The following CYTH1 variants were observed in gnomAD, a reference collection of about 807,000 sequenced individuals.
CYTH1 encodes cytohesin 1, also known as cytohesin-1.
Under a neutral mutation model 61.8 loss-of-function variants are expected in CYTH1, and 18 were observed. That is an observed-to-expected ratio of 0.29 (90% confidence interval 0.20 to 0.43). CYTH1 has a LOEUF of 0.43. CYTH1 is among the 20% of genes least tolerant of loss of function. The pLI is 1.00. For missense variants in CYTH1, 336 were observed against 510.5 expected (o/e 0.66, Z 3.29); for synonymous variants, 174 against 184.3 (o/e 0.94, Z 0.45).
chr17:78,730,009 C>A (rs1220891531), intron 1 of CYTH1, among the ~76,000 whole-genome samples: 1 of 152,112 alleles, frequency 6.6e-6, no homozygotes, highest in Admixed American at 6.5e-5. Context: ...ACAGAAATGC[C>A]CCCAGCCACT....
chr17:78,777,080 G>A (rs186093094), intron 1 of CYTH1, among the ~76,000 whole-genome samples: 17 of 150,814 alleles, frequency 1.1e-4, no homozygotes, highest in African/African-American at 4.1e-4. Context: ...AGCCGAGATC[G>A]CCCCATTGCA....
intron 1 of CYTH1, among the ~76,000 whole-genome samples, chr17:78,710,793 G>T (rs1412509530): frequency 6.6e-6 from 1 of 152,120 alleles, no homozygotes; most frequent in East Asian, 1.9e-4. Context: ...TCCCTCCATG[G>T]CACAGCAAAG....
intron 11 of CYTH1, among the ~76,000 whole-genome samples, chr17:78,687,851 T>C (rs763514129): frequency 1.3e-5 from 2 of 152,242 alleles, no homozygotes; most frequent in African/African-American, 4.8e-5. Context: ...AATGTGCTGC[T>C]AGTGGTGACT....
intron 1 of CYTH1, among the ~76,000 whole-genome samples, chr17:78,773,368 G>A (rs1159081076): frequency 6.6e-6 from 1 of 151,980 alleles, no homozygotes; most frequent in Non-Finnish European, 1.5e-5. Context: ...GGTGGCTCAC[G>A]CCTGTAATCC....
At chr17:78,723,785 G>T (rs1260093363) in intron 1 of CYTH1, 5 of 152,348 alleles carry the variant, frequency 3.3e-5, no homozygotes, top group Admixed American at 3.3e-4. Context: ...TTTCTGCATG[G>T]ATAAACAAGA....
In CYTH1 at chr17:78,739,388, A is replaced by G. The variant is rs371364509; in HGVS notation, c.23-29656T>C. The stretch of plus-strand genomic sequence containing the variant: ...AACGAGATGGGAAAGGTGGGGAAAC[A>G]AGTAAGTAAAATATGCAGTATGTCA... On this transcript the variant is annotated intron_variant, in intron 1 of 13. Coordinates refer to ENST00000446868, the MANE Select transcript of CYTH1 (RefSeq NM_004762.6). Among the ~76,000 whole-genome samples, 11 of 152,324 alleles carry G rather than the reference A, an allele frequency of 7.2e-5. No homozygotes were observed. In the South Asian group the frequency reaches 2.3e-3, roughly 32 times the overall value.
chr17:78,708,118 G>T, intron 3 of CYTH1, 79 bp downstream of exon 3: 1 of 1,405,006 alleles, frequency 7.1e-7, no homozygotes, highest in Non-Finnish European at 1.0e-6. Context: ...CCTTCAATGT[G>T]CCACGTAAGC....
chr17:78,702,119 T>C lies in CYTH1; in HGVS notation c.356+3A>G, dbSNP rs1408026886. On this transcript the variant is annotated splice_donor_region_variant and intron_variant, in intron 5 of 13. Transcript: ENST00000446868. Reference sequence around the variant, plus strand: ...AGCATGCGCATAATCCCCAAGGCCTTACCTCTCCCCTAGGTAGTCGCCGAT... The same window carrying C: ...AGCATGCGCATAATCCCCAAGGCCTCACCTCTCCCCTAGGTAGTCGCCGAT... 2 of 1,609,164 alleles carry C rather than the reference T, an allele frequency of 1.2e-6. No individual in the cohort carries two copies. Among genetic ancestry groups the C allele is most frequent in the South Asian group, 1.1e-5 (1 of 90,974 alleles).
chr17:78,711,034 G>A (rs913075349), intron 1 of CYTH1, among the ~76,000 whole-genome samples: 11 of 151,914 alleles, frequency 7.2e-5, no homozygotes, highest in Non-Finnish European at 1.6e-4. Context: ...AGGCCGGGGC[G>A]GGCAGATCAC....
At chr17:78,748,149 C>T (rs2093366347) in intron 1 of CYTH1, among the ~76,000 whole-genome samples, 2 of 152,238 alleles carry the variant, frequency 1.3e-5, no homozygotes, top group South Asian at 4.1e-4. Context: ...GCACCCCACA[C>T]ACCGGAAACA....
At chr17:78,770,010 C>T (rs549229080) in intron 1 of CYTH1, among the ~76,000 whole-genome samples, 1 of 152,154 alleles carries the variant, frequency 6.6e-6, no homozygotes, top group East Asian at 1.9e-4. Flanking sequence ...CTGAGCTGGG[C>T]ATGGTGGCGT....
chr17:78,721,042 T>C (rs1218466493), intron 1 of CYTH1, among the ~76,000 whole-genome samples: 1 of 152,156 alleles, frequency 6.6e-6, no homozygotes, highest in East Asian at 1.9e-4. Flanking sequence ...GTTAAAAGAA[T>C]TTACAACTGG....
At chr17:78,769,946 T>TA (rs572682861) in intron 1 of CYTH1, among the ~76,000 whole-genome samples, 63 of 151,908 alleles carry the variant, frequency 4.1e-4, no homozygotes, top group Non-Finnish European at 8.2e-4. Context: ...GGTCAGGAGA[T>TA]AGACGCCATC....
chr17:78,760,471 GTATATATA>G (rs1225522220), intron 1 of CYTH1, among the ~76,000 whole-genome samples: 747 of 26,820 alleles, frequency 0.028, 95 homozygotes, highest in African/African-American at 0.1. Flanking sequence ...ATATATATAT[GTATATATA>G]TGTATGTATA....
intron 1 of CYTH1, among the ~76,000 whole-genome samples, chr17:78,730,618 C>A (rs1212388314): frequency 6.6e-6 from 1 of 151,832 alleles, no homozygotes; most frequent in African/African-American, 2.4e-5. Context: ...TTCCATGATT[C>A]CTCTGTAGAG....
chr17:78,758,295 A>G (rs1204738147), intron 1 of CYTH1, among the ~76,000 whole-genome samples: 1 of 152,194 alleles, frequency 6.6e-6, no homozygotes, highest in Non-Finnish European at 1.5e-5. Context: ...GAGAGTGCCA[A>G]ACTGCAAGGT....
Position 78,720,593 on chromosome 17 carries a change from A to G in CYTH1, c.23-10861T>C, listed in dbSNP as rs77479691. Among the ~76,000 whole-genome samples the G allele has an allele frequency of 1.4e-3, 215 of 152,090 alleles. 3 individuals carry two copies. In the East Asian group the frequency reaches 0.038, roughly 27 times the overall value. On this transcript the variant is annotated intron_variant, in intron 1 of 13. Coordinates refer to ENST00000446868, the MANE Select transcript of CYTH1 (RefSeq NM_004762.6). Reference sequence around the variant, plus strand: ...TTCAGCCTCCCAAAGTGCTGGAATTACAGGCGTGAGCCATCGCACCCAGCC... The same window carrying G: ...TTCAGCCTCCCAAAGTGCTGGAATTGCAGGCGTGAGCCATCGCACCCAGCC...
chr17:78,734,339 A>C (rs1396543422), intron 1 of CYTH1, among the ~76,000 whole-genome samples: 7 of 151,406 alleles, frequency 4.6e-5, no homozygotes. Flanking sequence ...GTGCCCAATT[A>C]ATTAAACTGG....
intron 1 of CYTH1, among the ~76,000 whole-genome samples, chr17:78,710,125 C>G (rs558342943): frequency 6.6e-6 from 1 of 152,222 alleles, no homozygotes; most frequent in East Asian, 1.9e-4. Flanking sequence ...AAAACAGAGT[C>G]TCCGAGATGG....
Sources: allele counts gnomAD v4.1 joint callset (sites outside exome capture counted in the v4.1 genomes callset), GRCh38; gene constraint gnomAD v4.1.1; transcripts MANE v1.5; gene names NCBI Gene and HGNC (gene_info 2026-07-23, HGNC 2026-07-21).